Variants in TLN2 observed in about 807,000 individuals in gnomAD.
TLN2 encodes talin-2.
A neutral mutation model predicts 294.7 loss-of-function variants in TLN2; 118 were observed. The ratio of observed to expected loss-of-function variants is 0.40; its 90% CI spans 0.34 to 0.47. The LOEUF (loss-of-function observed/expected upper bound fraction) is 0.47, where lower values mean the gene tolerates loss of function less well. Among genes scored for constraint, TLN2 ranks in the 20% least tolerant of loss-of-function variants. The pLI is 0.84. For synonymous variants in TLN2, 1,431 were observed against 1,304.5 expected (o/e 1.10, Z -2.09); for missense variants, 3,083 against 3,282.2 (o/e 0.94, Z 1.48).
chr15:62,551,615 C>T (rs1439747725), intron 1 of TLN2, among the ~76,000 whole-genome samples: 4 of 152,138 alleles, frequency 2.6e-5, no homozygotes, highest in African/African-American at 9.7e-5. Flanking sequence ...AGGAGAATCA[C>T]TTGAACCTGG....
chr15:62,459,574 G>A (rs1040006422), intron 1 of TLN2, among the ~76,000 whole-genome samples: 2 of 152,176 alleles, frequency 1.3e-5, no homozygotes, highest in South Asian at 2.1e-4. Context: ...ACATGTGCAG[G>A]TGTGCTAGGC....
intron 1 of TLN2, among the ~76,000 whole-genome samples, chr15:62,582,238 A>ACG (rs2045160328): frequency 2.1e-5 from 3 of 146,244 alleles, no homozygotes; most frequent in African/African-American, 7.7e-5. Context: ...ACACACACAC[A>ACG]CACACACACA....
intron 1 of TLN2, among the ~76,000 whole-genome samples, chr15:62,482,352 C>T (rs1203133929): frequency 6.6e-6 from 1 of 151,920 alleles, no homozygotes; most frequent in Non-Finnish European, 1.5e-5. Flanking sequence ...CCTGTAATCC[C>T]AGCACTTTGG....
At chr15:62,790,400 C>T (rs540548793) in intron 45 of TLN2, among the ~76,000 whole-genome samples, 4 of 152,278 alleles carry the variant, frequency 2.6e-5, no homozygotes, top group African/African-American at 7.2e-5. Flanking sequence ...ACTGATCTAC[C>T]GAGTAGAGCA....
intron 1 of TLN2, among the ~76,000 whole-genome samples, chr15:62,504,924 T>TA (rs2039519580): frequency 6.6e-6 from 1 of 151,360 alleles, no homozygotes; most frequent in Non-Finnish European, 1.5e-5. Context: ...TTTTGTTGGG[T>TA]AATAACATTA....
rs1447451842 is a variant in TLN2, at chr15:62,841,700, T to C, written c.*1090T>C. 6.6e-6 allele frequency: 1 copy of C among 152,194 alleles called. No homozygotes were observed. The highest frequency in any genetic ancestry group is 1.5e-5 in the Non-Finnish European group (1 of 68,036). The allele number at this position is 152,194 out of a possible 1,614,324, so 9.4% of individuals were successfully genotyped here. ...ACATAAGACATAAGATGTTTTCATT[T>C]TCTGGATGTCACACTTCCAGAATTT... On this transcript the variant is annotated 3_prime_UTR_variant, in exon 59 of 59. Coordinates refer to ENST00000636159, the MANE Select transcript of TLN2 (RefSeq NM_015059.3).
chr15:62,793,905 C>G (rs755703920), intron 46 of TLN2, among the ~76,000 whole-genome samples: 4 of 150,134 alleles, frequency 2.7e-5, no homozygotes, highest in Admixed American at 6.7e-5. Context: ...CTGCTCTGTC[C>G]GTGGCCCTCC....
chr15:62,838,809 A>G (rs1396794948), intron 57 of TLN2, 47 bp from the exon 58 acceptor site: 1 of 1,602,508 alleles, frequency 6.2e-7, no homozygotes, highest in Admixed American at 1.7e-5. Flanking sequence ...TGCCAGGCCC[A>G]AATGGCTGTT....
chr15:62,656,451 A>G (rs1037375074), intron 8 of TLN2, among the ~76,000 whole-genome samples: 1 of 152,204 alleles, frequency 6.6e-6, no homozygotes, highest in Admixed American at 6.5e-5. Context: ...GTTGGTCAGA[A>G]ATCAGGACTC....
chr15:62,473,368 G>A (rs549069266), intron 1 of TLN2, among the ~76,000 whole-genome samples: 1 of 150,946 alleles, frequency 6.6e-6, no homozygotes, highest in African/African-American at 2.4e-5. Flanking sequence ...TTAAGTGCTC[G>A]ATTTCCATAT....
intron 1 of TLN2, among the ~76,000 whole-genome samples, chr15:62,395,283 T>C (rs932759016): frequency 3.3e-5 from 5 of 151,464 alleles, no homozygotes; most frequent in African/African-American, 1.2e-4. Context: ...AAATACAACA[T>C]TATAAAAAGA....
intron 1 of TLN2, among the ~76,000 whole-genome samples, chr15:62,442,508 A>AG (rs1205205745): frequency 1.3e-5 from 2 of 150,588 alleles, no homozygotes; most frequent in Admixed American, 1.3e-4. Context: ...AAAAAAAAAA[A>AG]AAAAAAAAAT....
rs201544662 is a variant in TLN2, at chr15:62,802,256, C to CTCTA, written c.6477+1488_6477+1491dup. ...TGCCTGGCTTATTTCACTTAATGAC[C>CTCTA]TCTAGTTCCATCCATGTTGTTGCTA... On this transcript the variant is annotated intron_variant, in intron 50 of 58. Transcript: ENST00000636159. Among the ~76,000 whole-genome samples the CTCTA allele has an allele frequency of 7.2e-5, 11 of 152,210 alleles. No homozygotes were observed. The East Asian group carries it at 1.9e-3, about 27-fold the overall frequency.
chr15:62,777,531 A>C (rs1344637546), intron 43 of TLN2, among the ~76,000 whole-genome samples: 1 of 18,488 alleles, frequency 5.4e-5, no homozygotes, highest in Non-Finnish European at 1.8e-4. Flanking sequence ...CGAAACTCTC[A>C]AAAAAAAAAA....
intron 45 of TLN2, among the ~76,000 whole-genome samples, chr15:62,791,353 C>CA (rs777889853): frequency 1.4e-4 from 21 of 151,694 alleles, no homozygotes; most frequent in East Asian, 5.8e-4. Flanking sequence ...GACTCTATCT[C>CA]AAAAAAAAGA....
At position 62,522,858 on chromosome 15, in the gene TLN2, C is replaced by A. The variant is rs950804145; in HGVS notation, c.-237-66829C>A. Among the ~76,000 whole-genome samples, 9 of 152,112 alleles carry A rather than the reference C, an allele frequency of 5.9e-5. No homozygotes were observed. The East Asian group carries it at 1.7e-3, about 29-fold the overall frequency. ...GTTAACTTTGACTTTGACAAAGATT[C>A]ACTCACCCACTGGGATGTGAGAGAA... On this transcript the variant is annotated intron_variant, in intron 1 of 58. Coordinates refer to ENST00000636159, the MANE Select transcript of TLN2 (RefSeq NM_015059.3).
intron 25 of TLN2, 139 bp downstream of exon 25, chr15:62,720,019 C>T (rs1021732465): frequency 5.3e-6 from 3 of 563,862 alleles, no homozygotes; most frequent in Non-Finnish European, 5.7e-6. Flanking sequence ...CTCTTCTTTA[C>T]CTTTCCAGTT....
At chr15:62,609,695 A>G (rs1452973052) in intron 2 of TLN2, among the ~76,000 whole-genome samples, 2 of 152,154 alleles carry the variant, frequency 1.3e-5, no homozygotes, top group African/African-American at 4.8e-5. Context: ...GTGTCCTGTT[A>G]CCGATGGTGC....
intron 54 of TLN2, among the ~76,000 whole-genome samples, chr15:62,827,343 G>C (rs555832950): frequency 6.6e-6 from 1 of 152,310 alleles, no homozygotes; most frequent in South Asian, 2.1e-4. Context: ...AGGAGGTCAA[G>C]AGAAATCAGA....
Sources: gnomAD v4.1 joint callset for allele counts (sites outside exome capture counted in the v4.1 genomes callset) on GRCh38, gnomAD v4.1.1 for gene constraint, MANE v1.5 for transcripts, NCBI Gene and HGNC (gene_info 2026-07-23, HGNC 2026-07-21) for gene names.